SH3GL2: variants seen among roughly 807,000 people sequenced by gnomAD.
The protein encoded by SH3GL2 is SH3 domain containing GRB2 like 2, endophilin A1.
SH3GL2 carries 24 observed loss-of-function variants against 46.0 expected under a neutral mutation model. The ratio of observed to expected loss-of-function variants is 0.52; its 90% CI spans 0.38 to 0.73. SH3GL2 has a LOEUF of 0.73. Among genes scored for constraint, SH3GL2 ranks in the 30% least tolerant of loss-of-function variants. The pLI is 0.00. For synonymous variants in SH3GL2, 196 were observed against 147.1 expected, an observed-to-expected ratio of 1.33 and a Z score of -2.40; for missense variants, 413 against 424.2, an observed-to-expected ratio of 0.97 and a Z score of 0.23.
chr9:17,691,283 C>T lies in SH3GL2; in HGVS notation c.46-55783C>T, dbSNP rs145980946. Among the ~76,000 whole-genome samples the T allele has an allele frequency of 2.7e-3, 414 of 152,154 alleles. 1 individual carries two copies. Among genetic ancestry groups the T allele is most frequent in the African/African-American group, 9.6e-3 (398 of 41,512 alleles). ...TGAGACATAAATTGGTCTTTTAATT[C>T]CTACTAACCCTAATTCTACTTTTAT... is the stretch of plus-strand genomic sequence containing the variant. On this transcript the variant is annotated intron_variant, in intron 1 of 8. Transcript: ENST00000380607.
intron 1 of SH3GL2, among the ~76,000 whole-genome samples, chr9:17,730,634 A>G (rs1048080024): frequency 2.0e-5 from 3 of 152,098 alleles, no homozygotes; most frequent in African/African-American, 7.2e-5. Context: ...GATAGGTTCA[A>G]TCAATACCTG....
intron 1 of SH3GL2, among the ~76,000 whole-genome samples, chr9:17,684,005 A>G (rs894081451): frequency 9.9e-5 from 15 of 152,142 alleles, no homozygotes; most frequent in African/African-American, 2.2e-4. Context: ...CTCAGTCTCT[A>G]TAGTTCTGCA....
intron 1 of SH3GL2, among the ~76,000 whole-genome samples, chr9:17,654,204 T>C (rs955217444): frequency 6.6e-6 from 1 of 152,160 alleles, no homozygotes; most frequent in African/African-American, 2.4e-5. Flanking sequence ...CCTGTTTCTC[T>C]CCACTGACCA....
intron 1 of SH3GL2, among the ~76,000 whole-genome samples, chr9:17,678,364 T>A (rs1187635500): frequency 3.3e-5 from 5 of 152,212 alleles, no homozygotes; most frequent in African/African-American, 9.7e-5. Context: ...GTGGTTTTGA[T>A]TTGCATTTCT....
At chr9:17,705,907 C>A (rs1299589253) in intron 1 of SH3GL2, among the ~76,000 whole-genome samples, 1 of 151,808 alleles carries the variant, frequency 6.6e-6, no homozygotes. Context: ...TGCAATTTAC[C>A]CATGTAACAA....
At position 17,735,850 on chromosome 9, in the gene SH3GL2, A is replaced by G. The variant is rs144555973; in HGVS notation, c.46-11216A>G. The stretch of plus-strand genomic sequence containing the variant: ...GATTCAGGGACATTACTCTGCGTAT[A>G]TGTTTCATCTATTGCAGCAGCCTTT... On this transcript the variant is annotated intron_variant, in intron 1 of 8. Coordinates refer to ENST00000380607, the MANE Select transcript of SH3GL2 (RefSeq NM_003026.5). The G allele has an allele frequency of 1.2e-3, 496 of 418,030 alleles. 1 individual carries two copies. Among genetic ancestry groups the G allele is most frequent in the Non-Finnish European group, 1.3e-3 (414 of 311,326 alleles). The allele number at this position is 418,030 out of a possible 1,614,324, so 25.9% of individuals were successfully genotyped here.
intron 1 of SH3GL2, among the ~76,000 whole-genome samples, chr9:17,666,662 A>G (rs1379627720): frequency 6.6e-6 from 1 of 151,932 alleles, no homozygotes; most frequent in Non-Finnish European, 1.5e-5. Context: ...AGTTTTCTAA[A>G]TATTGGCATT....
intron 1 of SH3GL2, among the ~76,000 whole-genome samples, chr9:17,586,522 C>G (rs1818380575): frequency 6.6e-6 from 1 of 152,154 alleles, no homozygotes; most frequent in Non-Finnish European, 1.5e-5. Flanking sequence ...CTAATAAAGG[C>G]ATACCCGAGA....
chr9:17,748,792 C>A (rs1256679570), intron 2 of SH3GL2, among the ~76,000 whole-genome samples: 1 of 152,012 alleles, frequency 6.6e-6, no homozygotes, highest in Admixed American at 6.5e-5. Flanking sequence ...TACAGAAGCC[C>A]AGCACAGAGG....
At chr9:17,790,644 G>C (rs780807755) in intron 6 of SH3GL2, among the ~76,000 whole-genome samples, 1 of 152,074 alleles carries the variant, frequency 6.6e-6, no homozygotes, top group African/African-American at 2.4e-5. Flanking sequence ...TACCCAGCTG[G>C]ATCATAATGT....
chr9:17,723,750 G>T (rs1588274616), intron 1 of SH3GL2, among the ~76,000 whole-genome samples: 1 of 150,026 alleles, frequency 6.7e-6, no homozygotes, highest in Non-Finnish European at 1.5e-5. Context: ...TGATTTTTGT[G>T]TTTTTTTTCT....
At position 17,625,152 on chromosome 9, in the gene SH3GL2, G is replaced by C. The variant is rs555534035; in HGVS notation, c.45+45865G>C. ...CTCTCATGCTTGCATTTTTAGTTGT[G>C]TTCTCGTCTCACCATGCTCTGTAGG... On this transcript the variant is annotated intron_variant, in intron 1 of 8. Coordinates refer to ENST00000380607, the MANE Select transcript of SH3GL2 (RefSeq NM_003026.5). 1.4e-4 allele frequency among the ~76,000 whole-genome samples: 21 copies of C among 152,178 alleles called. No homozygotes were observed. In the East Asian group the frequency reaches 3.5e-3, roughly 25 times the overall value.
rs115039606 is a variant in SH3GL2 at position 17,734,999 on chromosome 9, A to G, written c.46-12067A>G. Among the ~76,000 whole-genome samples the G allele has an allele frequency of 4.4e-3, 664 of 152,238 alleles. 3 individuals are homozygous for G. Among genetic ancestry groups the G allele is most frequent in the African/African-American group, 0.015 (624 of 41,556 alleles). On this transcript the variant is annotated intron_variant, in intron 1 of 8. Coordinates refer to ENST00000380607, the MANE Select transcript of SH3GL2 (RefSeq NM_003026.5). ...AAAGTAATGCATTCTTCTTTCCCCT[A>G]CATTCCAGAACTAAAGGACAAGTAA...
intron 1 of SH3GL2, among the ~76,000 whole-genome samples, chr9:17,673,996 G>A (rs1820541166): frequency 6.6e-6 from 1 of 152,102 alleles, no homozygotes; most frequent in African/African-American, 2.4e-5. Flanking sequence ...GAGGGTCTGT[G>A]TTTTATTTCT....
chr9:17,628,418 G>GTC (rs1819338085), intron 1 of SH3GL2, among the ~76,000 whole-genome samples: 1 of 30,134 alleles, frequency 3.3e-5, no homozygotes. Flanking sequence ...TTGGGTGTGT[G>GTC]TGTGTGTGTG....
intron 1 of SH3GL2, among the ~76,000 whole-genome samples, chr9:17,723,606 C>A (rs58468065): frequency 0.089 from 13,508 of 152,094 alleles, 1,224 homozygotes; most frequent in African/African-American, 0.23. Context: ...ATGGAAAGGT[C>A]GGTTTCAGAT....
At chr9:17,758,216 C>T (rs1227519291) in intron 2 of SH3GL2, among the ~76,000 whole-genome samples, 1 of 152,052 alleles carries the variant, frequency 6.6e-6, no homozygotes, top group Non-Finnish European at 1.5e-5. Context: ...CAGAATGCTC[C>T]CCTGGTCTCT....
At chr9:17,629,037 G>A (rs1345095153) in intron 1 of SH3GL2, among the ~76,000 whole-genome samples, 1 of 151,644 alleles carries the variant, frequency 6.6e-6, no homozygotes, top group Non-Finnish European at 1.5e-5. Context: ...TTGCATTAGA[G>A]TTCAAGATGT....
chr9:17,654,231 G>T (rs1474798177), intron 1 of SH3GL2, among the ~76,000 whole-genome samples: 2 of 152,284 alleles, frequency 1.3e-5, no homozygotes, highest in East Asian at 3.9e-4. Context: ...TGCTGCCGAA[G>T]ACTGAATCAT....
Sources: allele counts gnomAD v4.1 joint callset (sites outside exome capture counted in the v4.1 genomes callset), GRCh38; gene constraint gnomAD v4.1.1; transcripts MANE v1.5; gene names NCBI Gene and HGNC (gene_info 2026-07-23, HGNC 2026-07-21).